Variants in ST3GAL4 observed in about 807,000 individuals in gnomAD.
ST3GAL4 encodes the protein CMP-N-acetylneuraminate-beta-galactosamide-alpha-2,3-sialyltransferase 4.
In ST3GAL4, 24 loss-of-function variants were observed where a neutral mutation model predicts 42.6. The observed-to-expected ratio is 0.56, with a 90% CI of 0.41 to 0.79. ST3GAL4 has a LOEUF of 0.79. Ranked by LOEUF, ST3GAL4 falls within the 30% of genes least tolerant of loss-of-function variation. The probability of loss-of-function intolerance (pLI) is 0.00; values close to 1 mark genes in which losing one functional copy is unlikely to be tolerated. For missense variants in ST3GAL4, 311 were observed against 430.8 expected, an observed-to-expected ratio of 0.72 and a Z score of 2.46; for synonymous variants, 135 against 163.2, an observed-to-expected ratio of 0.83 and a Z score of 1.32.
Position 126,407,577 on chromosome 11 carries a change from A to T in ST3GAL4, c.284A>T (p.Asp95Val). Residue 95 changes from aspartate (D) to valine (V), a missense_variant, in exon 6 of 11, where the codon GAT becomes GTT. Transcript: ENST00000444328. ...CTCCGCCTGGTACTTTTTGTAGAGGATCTGCTCCTCCGGGTGCTAGCCATC... is the reference window on the plus strand; with the variant it reads ...CTCCGCCTGGTACTTTTTGTAGAGGTTCTGCTCCTCCGGGTGCTAGCCATC... The part of the protein sequence containing the change: ...ELPYGTKGSE[D>V]LLLRVLAITS... 1 of 1,614,114 alleles carries T rather than the reference A, an allele frequency of 6.2e-7. No individual in the cohort carries two copies. Among genetic ancestry groups the T allele is most frequent in the African/African-American group, 1.3e-5 (1 of 75,032 alleles).
intron 9 of ST3GAL4, among the ~76,000 whole-genome samples, chr11:126,412,307 G>T (rs1042789482): frequency 6.6e-6 from 1 of 152,140 alleles, no homozygotes; most frequent in Non-Finnish European, 1.5e-5. Context: ...AAGATGAGAA[G>T]ACAGGAGAGC....
intron 1 of ST3GAL4, among the ~76,000 whole-genome samples, chr11:126,395,383 C>T (rs914638630): frequency 3.9e-5 from 6 of 152,020 alleles, no homozygotes; most frequent in African/African-American, 7.3e-5. Context: ...AAGAGCTGGA[C>T]GGAGAGAGAT....
At chr11:126,407,117 G>A in intron 4 of ST3GAL4, 94 bp downstream of exon 4, 1 of 1,481,258 alleles carries the variant, frequency 6.8e-7, no homozygotes, top group African/African-American at 1.4e-5. Context: ...AAGAGCAGCT[G>A]TGTTGGTGGA....
chr11:126,390,017 C>CCAAAAAAAAA (rs1953419035), intron 1 of ST3GAL4, among the ~76,000 whole-genome samples: 1 of 114,636 alleles, frequency 8.7e-6, no homozygotes, highest in Non-Finnish European at 1.7e-5. Flanking sequence ...GCTAAAAATA[C>CCAAAAAAAAA]AAAAAAAAAA....
In ST3GAL4 at chr11:126,373,755, T is replaced by TATGG. The variant is rs1265153430; in HGVS notation, c.-61+17913_-61+17914insATGG. On this transcript the variant is annotated intron_variant, in intron 1 of 10. Transcript: ENST00000444328. The surrounding 1 kb of genome is among the most constrained non-coding windows in gnomAD (Gnocchi z 5.5). ...GTTTCCATCCTCCCATGCATGACCC[T>TATGG]GAGGCAGTTAGCTGGTCAGTTACTC... 2.6e-5 allele frequency among the ~76,000 whole-genome samples: 4 copies of TATGG among 152,104 alleles called. No homozygotes were observed.
chr11:126,371,568 AT>A (rs2135409812), intron 1 of ST3GAL4, among the ~76,000 whole-genome samples: 1 of 152,324 alleles, frequency 6.6e-6, no homozygotes, highest in African/African-American at 2.4e-5. Context: ...TAAAAAGTTA[AT>A]GTTATGTTTT....
chr11:126,389,662 T>C (rs1953394067), intron 1 of ST3GAL4, among the ~76,000 whole-genome samples: 1 of 152,216 alleles, frequency 6.6e-6, no homozygotes, highest in African/African-American at 2.4e-5. Context: ...TCTCCTGGGC[T>C]CAAGTGATCC....
At chr11:126,358,367 G>A (rs1051727619) in intron 1 of ST3GAL4, 7 of 366,966 alleles carry the variant, frequency 1.9e-5, no homozygotes, top group African/African-American at 1.3e-4. Flanking sequence ...AGGCAGATTT[G>A]GGTGACTCTT....
At position 126,359,322 on chromosome 11, in the gene ST3GAL4, A is replaced by G. The variant is rs974776093; in HGVS notation, c.-61+3480A>G. Among the ~76,000 whole-genome samples, 1 of 152,132 alleles carries G rather than the reference A, an allele frequency of 6.6e-6. No homozygotes were observed. Among genetic ancestry groups the G allele is most frequent in the Admixed American group, 6.5e-5 (1 of 15,268 alleles). ...TAAAAAAAAAAAAAAGATGTGCTAG[A>G]CACTTTACGTCCCTTCATGTGAGCT... is the stretch of plus-strand genomic sequence containing the variant. On this transcript the variant is annotated intron_variant, in intron 1 of 10. Transcript: ENST00000444328. This position sits in a 1 kb window ranked among gnomAD's most constrained non-coding sequence, Gnocchi z 4.8.
chr11:126,371,094 G>T (rs1952622314), intron 1 of ST3GAL4, among the ~76,000 whole-genome samples: 1 of 145,526 alleles, frequency 6.9e-6, no homozygotes, highest in Non-Finnish European at 1.5e-5. Context: ...TTTCCTTTAA[G>T]AAATAAAATA....
Position 126,363,236 on chromosome 11 carries a change from A to G in ST3GAL4, c.-61+7394A>G, listed in dbSNP as rs142848021. On this transcript the variant is annotated intron_variant, in intron 1 of 10. Coordinates refer to ENST00000444328, the MANE Select transcript of ST3GAL4 (RefSeq NM_001254757.2). This position sits in a 1 kb window ranked among gnomAD's most constrained non-coding sequence, Gnocchi z 4.6. ...GTTTGAGCCGTGCTCTTCTTCTTCAATCCCTTTCTGTCTGCCTTCTCTTTC... is the reference window on the plus strand; with the variant it reads ...GTTTGAGCCGTGCTCTTCTTCTTCAGTCCCTTTCTGTCTGCCTTCTCTTTC... Among the ~76,000 whole-genome samples the G allele has an allele frequency of 6.6e-3, 1,001 of 152,170 alleles. 12 individuals are homozygous for G. The highest frequency in any genetic ancestry group is 0.021 in the African/African-American group (855 of 41,502).
intron 1 of ST3GAL4, among the ~76,000 whole-genome samples, chr11:126,377,836 G>GTTA (rs1166760867): frequency 1.3e-4 from 20 of 152,336 alleles, no homozygotes; most frequent in African/African-American, 4.8e-4. Context: ...AAAGTAGCAA[G>GTTA]AAGTCTTCTA....
At chr11:126,412,737 C>G (rs528931840) in intron 9 of ST3GAL4, among the ~76,000 whole-genome samples, 1 of 152,298 alleles carries the variant, frequency 6.6e-6, no homozygotes, top group South Asian at 2.1e-4. Flanking sequence ...TCAGAGCACC[C>G]AGGTCTTCTG....
At chr11:126,380,644 A>G (rs1414117949) in intron 1 of ST3GAL4, among the ~76,000 whole-genome samples, 2 of 152,234 alleles carry the variant, frequency 1.3e-5, no homozygotes, top group African/African-American at 2.4e-5. Context: ...GAGGGCAATG[A>G]TAGTGCCGTC....
chr11:126,394,626 T>G (rs1246782189), intron 1 of ST3GAL4, among the ~76,000 whole-genome samples: 6 of 152,076 alleles, frequency 3.9e-5, no homozygotes, highest in African/African-American at 1.2e-4. Context: ...GGTTTCACCA[T>G]GATGCCCAGG....
chr11:126,399,490 A>G (rs1225278554), intron 1 of ST3GAL4, among the ~76,000 whole-genome samples: 1 of 151,574 alleles, frequency 6.6e-6, no homozygotes. Flanking sequence ...TATTTTTAGT[A>G]GAGATGGGGT....
Position 126,407,565 on chromosome 11 carries a change from T to A in ST3GAL4, c.281-9T>A. On this transcript the variant is annotated splice_polypyrimidine_tract_variant and intron_variant, in intron 5 of 10. Transcript: ENST00000444328. Reference sequence around the variant, plus strand: ...TCACATCAGTCCCTCCGCCTGGTACTTTTTGTAGAGGATCTGCTCCTCCGG... The same window carrying A: ...TCACATCAGTCCCTCCGCCTGGTACATTTTGTAGAGGATCTGCTCCTCCGG... The A allele has an allele frequency of 6.2e-7, 1 of 1,614,140 alleles. No individual in the cohort carries two copies.
intron 1 of ST3GAL4, among the ~76,000 whole-genome samples, chr11:126,367,902 C>T (rs1952493911): frequency 6.6e-6 from 1 of 152,150 alleles, no homozygotes; most frequent in South Asian, 2.1e-4. Flanking sequence ...AATCCCAGCA[C>T]TTTGGGAGGC....
rs1953769093 is a variant in ST3GAL4, at chr11:126,396,499, G to A, written c.-60-9597G>A. Among the ~76,000 whole-genome samples the A allele has an allele frequency of 6.6e-6, 1 of 151,962 alleles. No homozygotes were observed. The highest frequency in any genetic ancestry group is 2.4e-5 in the African/African-American group (1 of 41,220). On this transcript the variant is annotated intron_variant, in intron 1 of 10. Transcript: ENST00000444328. This position sits in a 1 kb window ranked among gnomAD's most constrained non-coding sequence, Gnocchi z 5.8. ...GTGTGCCTTGAACACGTACTGCAGAGCTTCCAGAGAGCACCAGGGCTGTGG... is the reference window on the plus strand; with the variant it reads ...GTGTGCCTTGAACACGTACTGCAGAACTTCCAGAGAGCACCAGGGCTGTGG...
Sources: gnomAD v4.1 joint callset for allele counts (sites outside exome capture counted in the v4.1 genomes callset) on GRCh38, gnomAD v4.1.1 for gene constraint, Gnocchi (gnomAD v3.1) non-coding constraint, MANE v1.5 for transcripts, NCBI Gene and HGNC (gene_info 2026-07-23, HGNC 2026-07-21) for gene names.